NRG3: variants seen among roughly 807,000 people sequenced by gnomAD.
The protein encoded by NRG3 is neuregulin 3.
NRG3 carries 31 observed loss-of-function variants against 66.9 expected under a neutral mutation model. The ratio of observed to expected loss-of-function variants is 0.46; its 90% confidence interval spans 0.35 to 0.63. The LOEUF is 0.63. NRG3 is among the 20% of genes least tolerant of loss of function. NRG3 has a pLI of 0.00. For missense variants in NRG3, 910 were observed against 878.9 expected (o/e 1.04, Z -0.45); for synonymous variants, 393 against 359.4 (o/e 1.09, Z -1.06).
chr10:82,600,105 A>C (rs1001954735), intron 2 of NRG3, among the ~76,000 whole-genome samples: 2 of 152,074 alleles, frequency 1.3e-5, no homozygotes, highest in African/African-American at 2.4e-5. Context: ...AATTTGTTGA[A>C]ATTTTTGACT....
At position 82,692,604 on chromosome 10, in the gene NRG3, C is replaced by A. The variant is rs536131499; in HGVS notation, c.954-45973C>A. Among the ~76,000 whole-genome samples, 234 of 152,326 alleles carry A rather than the reference C, an allele frequency of 1.5e-3. 1 individual carries two copies. The highest frequency in any genetic ancestry group is 5.4e-3 in the African/African-American group (223 of 41,584). On this transcript the variant is annotated intron_variant, in intron 2 of 8. Coordinates refer to ENST00000372141, the MANE Select transcript of NRG3 (RefSeq NM_001010848.4). The stretch of plus-strand genomic sequence containing the variant: ...AATACCAGGGCCACCACACAGGAGA[C>A]AAAGAGGCCGAGCTCCTTCCCTGCA...
intron 2 of NRG3, among the ~76,000 whole-genome samples, chr10:82,603,708 T>A (rs1429045832): frequency 6.6e-6 from 1 of 152,014 alleles, no homozygotes; most frequent in Non-Finnish European, 1.5e-5. Context: ...TTTTAGATAA[T>A]ATATTTACTT....
chr10:82,040,877 T>C (rs2063002468), intron 1 of NRG3, among the ~76,000 whole-genome samples: 1 of 152,104 alleles, frequency 6.6e-6, no homozygotes, highest in Admixed American at 6.6e-5. Context: ...GCATGTCAAT[T>C]GTTCTTCTAA....
intron 1 of NRG3, among the ~76,000 whole-genome samples, chr10:82,193,395 G>T (rs1268235400): frequency 2.0e-5 from 3 of 152,110 alleles, no homozygotes; most frequent in Non-Finnish European, 4.4e-5. Context: ...CCCCTGCCTC[G>T]ACCTCCCAAA....
rs111545334 is a variant in NRG3 at position 82,552,165 on chromosome 10, A to ATTTTT, written c.954-186407_954-186403dup. Among the ~76,000 whole-genome samples, 26 of 151,192 alleles carry ATTTTT rather than the reference A, an allele frequency of 1.7e-4. 1 individual carries two copies. In the East Asian group the frequency reaches 3.9e-3, roughly 23 times the overall value. Reference sequence around the variant, plus strand: ...GAAAATGGTGATATTCAAAATCCATATTTTTTTTTACATATTAGTTGAAAT... The same window carrying ATTTTT: ...GAAAATGGTGATATTCAAAATCCATATTTTTTTTTTTTTTACATATTAGTTGAAAT... On this transcript the variant is annotated intron_variant, in intron 2 of 8. Transcript: ENST00000372141.
intron 2 of NRG3, among the ~76,000 whole-genome samples, chr10:82,691,772 G>C (rs2054946655): frequency 6.6e-6 from 1 of 152,158 alleles, no homozygotes; most frequent in Non-Finnish European, 1.5e-5. Context: ...CACAAGAACT[G>C]TTATGATTCT....
chr10:82,877,472 CA>C (rs1172161992), intron 4 of NRG3, among the ~76,000 whole-genome samples: 1 of 148,160 alleles, frequency 6.7e-6, no homozygotes, highest in African/African-American at 2.5e-5. Context: ...CTCTGCCTCC[CA>C]GGTTCAAGCA....
intron 2 of NRG3, among the ~76,000 whole-genome samples, chr10:82,645,573 A>C (rs1381934937): frequency 6.6e-6 from 1 of 152,182 alleles, no homozygotes; most frequent in Non-Finnish European, 1.5e-5. Flanking sequence ...CAGTTGAACA[A>C]GTATATTTCT....
At chr10:82,622,972 G>GT (rs112115993) in intron 2 of NRG3, among the ~76,000 whole-genome samples, 2,378 of 146,064 alleles carry the variant, frequency 0.016, 54 homozygotes, top group African/African-American at 0.052. Flanking sequence ...TTTTGGATGG[G>GT]TTTTTTTTTT....
chr10:82,122,965 A>G (rs2068191291), intron 1 of NRG3, among the ~76,000 whole-genome samples: 1 of 151,628 alleles, frequency 6.6e-6, no homozygotes, highest in Non-Finnish European at 1.5e-5. Flanking sequence ...AGATTTCTCT[A>G]TAAGAGAATA....
chr10:82,400,553 A>G (rs971573972), intron 2 of NRG3, among the ~76,000 whole-genome samples: 5 of 149,870 alleles, frequency 3.3e-5, no homozygotes, highest in Non-Finnish European at 7.4e-5. Context: ...AACTCGGTCA[A>G]GTACATGAGG....
At chr10:82,077,444 C>A (rs890885849) in intron 1 of NRG3, among the ~76,000 whole-genome samples, 1 of 152,148 alleles carries the variant, frequency 6.6e-6, no homozygotes, top group Admixed American at 6.5e-5. Context: ...TCATTTCATG[C>A]AAGGTATAGT....
chr10:82,418,346 G>T (rs1257228643), intron 2 of NRG3, among the ~76,000 whole-genome samples: 2 of 149,130 alleles, frequency 1.3e-5, no homozygotes, highest in African/African-American at 5.1e-5. Context: ...ATGTGGAAAA[G>T]TTGATGTTAT....
At chr10:82,014,644 T>C (rs1361637735) in intron 1 of NRG3, among the ~76,000 whole-genome samples, 1 of 152,176 alleles carries the variant, frequency 6.6e-6, no homozygotes. Flanking sequence ...ACGGGCATGA[T>C]GTTGATGAAC....
At chr10:82,199,749 G>T (rs1162858851) in intron 1 of NRG3, among the ~76,000 whole-genome samples, 1 of 152,048 alleles carries the variant, frequency 6.6e-6, no homozygotes, top group African/African-American at 2.4e-5. Context: ...GGTCAAGGAA[G>T]CTATCTACAC....
intron 3 of NRG3, among the ~76,000 whole-genome samples, chr10:82,759,274 A>G (rs573284242): frequency 6.6e-6 from 1 of 152,212 alleles, no homozygotes; most frequent in South Asian, 2.1e-4. Context: ...AAGCAGCATG[A>G]GGCCCTCACC....
chr10:82,165,390 T>C (rs2071960967), intron 1 of NRG3, among the ~76,000 whole-genome samples: 2 of 152,124 alleles, frequency 1.3e-5, no homozygotes, highest in South Asian at 4.1e-4. Flanking sequence ...TGACATTTTC[T>C]CTTGGCTTTG....
At chr10:82,514,063 G>C (rs1845438284) in intron 2 of NRG3, among the ~76,000 whole-genome samples, 1 of 152,084 alleles carries the variant, frequency 6.6e-6, no homozygotes, top group Non-Finnish European at 1.5e-5. Flanking sequence ...ATTTGTTTAA[G>C]TTCCTTGTAG....
chr10:82,740,987 T>A (rs2058399634), intron 3 of NRG3, among the ~76,000 whole-genome samples: 1 of 152,188 alleles, frequency 6.6e-6, no homozygotes, highest in African/African-American at 2.4e-5. Context: ...CGTGGAATTT[T>A]ATGAAATTGT....
Sources: gnomAD v4.1 joint callset for allele counts (sites outside exome capture counted in the v4.1 genomes callset) on GRCh38, gnomAD v4.1.1 for gene constraint, MANE v1.5 for transcripts, NCBI Gene and HGNC (gene_info 2026-07-23, HGNC 2026-07-21) for gene names.